The following DENND3 variants were observed in gnomAD, a reference collection of about 807,000 sequenced individuals.
DENND3 encodes DENN domain containing 3.
DENND3 carries 88 observed loss-of-function variants against 135.1 expected under a neutral mutation model. The ratio of observed to expected loss-of-function variants is 0.65; its 90% CI spans 0.55 to 0.78. The LOEUF is 0.78. Among genes scored for constraint, DENND3 ranks in the 30% least tolerant of loss-of-function variants. The probability of loss-of-function intolerance (pLI) is 0.00; values close to 1 mark genes in which losing one functional copy is unlikely to be tolerated. For missense variants in DENND3, 1,392 were observed against 1,688.4 expected (o/e 0.82, Z 3.08); for synonymous variants, 693 against 712.3 (o/e 0.97, Z 0.43).
At chr8:141,178,251 G>T in intron 16 of DENND3, 55 bp downstream of exon 16, 2 of 1,566,688 alleles carry the variant, frequency 1.3e-6, no homozygotes, top group Non-Finnish European at 8.7e-7. Flanking sequence ...CGCCTTAAGT[G>T]ATTTTATCTG....
rs758779333 is a variant in DENND3, at chr8:141,165,303, G to C, written c.1553+14G>C. The C allele has an allele frequency of 6.2e-7, 1 of 1,606,606 alleles. No individual in the cohort carries two copies. The highest frequency in any genetic ancestry group is 8.5e-7 in the Non-Finnish European group (1 of 1,173,306). The stretch of plus-strand genomic sequence containing the variant: ...GGAGGAGGACAGGTGCTTCACTGTT[G>C]TGTTTTGGATCTGCAGCTCTTTAGG... On this transcript the variant is annotated intron_variant, in intron 11 of 22. Transcript: ENST00000519811.
chr8:141,159,760 G>A (rs1049273351), intron 8 of DENND3, among the ~76,000 whole-genome samples: 2 of 152,252 alleles, frequency 1.3e-5, no homozygotes, highest in Admixed American at 1.3e-4. Context: ...CTTTAGTGGT[G>A]TTGGGAAGGC....
rs1823005585 is a variant in DENND3 at position 141,180,853 on chromosome 8, A to G, written c.2943A>G (p.Pro981=). 1 of 1,610,268 alleles carries G rather than the reference A, an allele frequency of 6.2e-7. No individual in the cohort carries two copies. Among genetic ancestry groups the G allele is most frequent in the South Asian group, 1.1e-5 (1 of 90,178 alleles). ...PQAVDVLLYT[P]GHLDPAEKVE... ...CGGTGGACGTGCTGCTCTACACTCCAGGTAAGGCCCCTCTGCCCGCGCCTC... is the reference window on the plus strand; with the variant it reads ...CGGTGGACGTGCTGCTCTACACTCCGGGTAAGGCCCCTCTGCCCGCGCCTC... Residue 981 remains proline (P), a splice_region_variant and synonymous_variant, in exon 17 of 23, where the codon CCA becomes CCG. Coordinates refer to ENST00000519811, the MANE Select transcript of DENND3 (RefSeq NM_001352890.3).
Position 141,154,014 on chromosome 8 carries a change from C to G in DENND3, c.1075-1835C>G, listed in dbSNP as rs1186892113. On this transcript the variant is annotated intron_variant, in intron 7 of 22. Transcript: ENST00000519811. This position sits in a 1 kb window ranked among gnomAD's most constrained non-coding sequence, Gnocchi z 4.4. ...GAGCTGGCAGTGACCCTATGCGCCT[C>G]CACCAAACACTTGTGTCTCCCAAAG... 6.6e-6 allele frequency among the ~76,000 whole-genome samples: 1 copy of G among 152,186 alleles called. No homozygotes were observed. Among genetic ancestry groups the G allele is most frequent in the Admixed American group, 6.5e-5 (1 of 15,282 alleles).
intron 5 of DENND3, among the ~76,000 whole-genome samples, chr8:141,147,930 C>T (rs370591459): frequency 2.8e-4 from 43 of 152,310 alleles, no homozygotes; most frequent in South Asian, 6.2e-4. Flanking sequence ...CAGTCTGTAT[C>T]GGGCTTGACT....
intron 17 of DENND3, among the ~76,000 whole-genome samples, chr8:141,183,756 T>TAA (rs112359893): frequency 2.1e-5 from 3 of 140,318 alleles, no homozygotes; most frequent in African/African-American, 8.2e-5. Flanking sequence ...TTTTTTAATT[T>TAA]AAAAAAAAAA....
chr8:141,135,362 G>A (rs1250843447), intron 1 of DENND3, among the ~76,000 whole-genome samples: 1 of 151,724 alleles, frequency 6.6e-6, no homozygotes, highest in Non-Finnish European at 1.5e-5. Flanking sequence ...TTGTTGCCCA[G>A]GCTGGCCTTG....
intron 1 of DENND3, among the ~76,000 whole-genome samples, chr8:141,136,199 G>C (rs1816765686): frequency 6.6e-6 from 1 of 152,212 alleles, no homozygotes; most frequent in Non-Finnish European, 1.5e-5. Flanking sequence ...GCCAGGACTT[G>C]AACTCAGGTC....
rs1370697827 is a variant in DENND3, at chr8:141,194,547, C to T, written c.*314C>T. Reference sequence around the variant, plus strand: ...CCTAGAAAGTTCTGGAATCCACAACCAGGGGCTGGCACTGGAGCCAGCAGC... The same window carrying T: ...CCTAGAAAGTTCTGGAATCCACAACTAGGGGCTGGCACTGGAGCCAGCAGC... On this transcript the variant is annotated 3_prime_UTR_variant, in exon 23 of 23. Coordinates refer to ENST00000519811, the MANE Select transcript of DENND3 (RefSeq NM_001352890.3). 3 of 354,694 alleles carry T rather than the reference C, an allele frequency of 8.5e-6. No individual in the cohort carries two copies. The highest frequency in any genetic ancestry group is 1.6e-5 in the Non-Finnish European group (3 of 187,568). The allele number at this position is 354,694 out of a possible 1,614,324, so 22.0% of individuals were successfully genotyped here.
chr8:141,129,717 G>C (rs1247101514), intron 1 of DENND3: 1 of 152,252 alleles, frequency 6.6e-6, no homozygotes. Flanking sequence ...GAAAGGCAGA[G>C]AGGCTTCTGA....
intron 16 of DENND3, 93 bp downstream of exon 16, chr8:141,178,289 C>G (rs1344537963): frequency 1.3e-6 from 2 of 1,481,574 alleles, no homozygotes; most frequent in Non-Finnish European, 1.8e-6. Context: ...CAAGTAGAAC[C>G]GAGCCCAGCT....
At chr8:141,180,409 G>A (rs567338969) in intron 16 of DENND3, among the ~76,000 whole-genome samples, 2 of 152,298 alleles carry the variant, frequency 1.3e-5, no homozygotes, top group Admixed American at 1.3e-4. Flanking sequence ...GTCATGTTTG[G>A]GTGTAGCTAG....
At position 141,154,894 on chromosome 8, in the gene DENND3, A is replaced by T. The variant is rs562845477; in HGVS notation, c.1075-955A>T. Among the ~76,000 whole-genome samples the T allele has an allele frequency of 6.6e-6, 1 of 152,250 alleles. No individual in the cohort carries two copies. The highest frequency in any genetic ancestry group is 1.5e-5 in the Non-Finnish European group (1 of 68,034). Reference sequence around the variant, plus strand: ...GGAATCTTCACTGAAAGAGAAAGGCATATGGGTAAGCAAAATGTGGTCTTT... The same window carrying T: ...GGAATCTTCACTGAAAGAGAAAGGCTTATGGGTAAGCAAAATGTGGTCTTT... On this transcript the variant is annotated intron_variant, in intron 7 of 22. Coordinates refer to ENST00000519811, the MANE Select transcript of DENND3 (RefSeq NM_001352890.3). The surrounding 1 kb of genome is among the most constrained non-coding windows in gnomAD (Gnocchi z 4.4).
rs1182533014 is a variant in DENND3 at position 141,167,955 on chromosome 8, A to G, written c.1754-49A>G. The stretch of plus-strand genomic sequence containing the variant: ...GATGATGTGACAGGGACACGTGTTC[A>G]TTTGGAAGGTCTGTGCTAATGGTCT... On this transcript the variant is annotated intron_variant, in intron 12 of 22. Coordinates refer to ENST00000519811, the MANE Select transcript of DENND3 (RefSeq NM_001352890.3). This position sits in a 1 kb window ranked among gnomAD's most constrained non-coding sequence, Gnocchi z 4.1. 3.9e-6 allele frequency: 6 copies of G among 1,555,274 alleles called. No individual in the cohort carries two copies. Among genetic ancestry groups the G allele is most frequent in the Non-Finnish European group, 5.2e-6 (6 of 1,149,248 alleles).
rs138512076 is a variant in DENND3, at chr8:141,136,991, C to T, written c.385+200C>T. Reference sequence around the variant, plus strand: ...TTATATTTATTTATTTATTTATTTACTTTTTTGAGACGGAGCGTCACTCTG... The same window carrying T: ...TTATATTTATTTATTTATTTATTTATTTTTTTGAGACGGAGCGTCACTCTG... On this transcript the variant is annotated intron_variant, in intron 2 of 22. Transcript: ENST00000519811. 5.0e-3 allele frequency among the ~76,000 whole-genome samples: 762 copies of T among 151,798 alleles called. 7 individuals are homozygous for T. The highest frequency in any genetic ancestry group is 0.018 in the African/African-American group (725 of 41,268).
At chr8:141,132,136 A>C (rs2154612641) in intron 1 of DENND3, among the ~76,000 whole-genome samples, 1 of 152,350 alleles carries the variant, frequency 6.6e-6, no homozygotes, top group East Asian at 1.9e-4. Flanking sequence ...GGTTGTAAAC[A>C]GGGAGGTCAG....
intron 16 of DENND3, 47 bp from the exon 17 acceptor site, chr8:141,180,699 GT>G: frequency 6.4e-7 from 1 of 1,559,618 alleles, no homozygotes; most frequent in East Asian, 2.3e-5. Flanking sequence ...CATCGCGTCT[GT>G]TTCCTTGAGG....
At chr8:141,158,685 G>A (rs1228721812) in intron 8 of DENND3, among the ~76,000 whole-genome samples, 1 of 152,206 alleles carries the variant, frequency 6.6e-6, no homozygotes, top group African/African-American at 2.4e-5. Flanking sequence ...GTGAGCGTGT[G>A]GCTGGGAGGG....
At position 141,128,953 on chromosome 8, in the gene DENND3, G is replaced by A; in HGVS notation, c.102+144G>A. The stretch of plus-strand genomic sequence containing the variant: ...CGGTCCCCCGGCGGTGACCCCGCGC[G>A]CCTGTGGCCGGGGATCGCGCCCGAG... On this transcript the variant is annotated intron_variant, in intron 1 of 22. Transcript: ENST00000519811. This position sits in a 1 kb window ranked among gnomAD's most constrained non-coding sequence, Gnocchi z 4.5. The A allele has an allele frequency of 8.4e-6, 5 of 598,374 alleles. No individual in the cohort carries two copies. Among genetic ancestry groups the A allele is most frequent in the Non-Finnish European group, 1.3e-5 (5 of 391,282 alleles). 37.1% of individuals were successfully genotyped at this position (598,374 alleles called of 1,614,324 possible). A position where few individuals can be genotyped will look rare whatever the true frequency, so the allele number is the denominator to read the frequency against.
Sources: allele counts gnomAD v4.1 joint callset (sites outside exome capture counted in the v4.1 genomes callset), GRCh38; gene constraint gnomAD v4.1.1; non-coding constraint Gnocchi (gnomAD v3.1); transcripts MANE v1.5; gene names NCBI Gene and HGNC (gene_info 2026-07-23, HGNC 2026-07-21).